MIPOL1: variants seen among roughly 807,000 people sequenced by gnomAD.
The protein encoded by MIPOL1 is mirror-image polydactyly 1, also known as mirror-image polydactyly gene 1 protein.
Under a neutral mutation model 60.9 loss-of-function variants are expected in MIPOL1, and 57 were observed. That is an observed-to-expected ratio of 0.94 (90% CI 0.76 to 1.17). MIPOL1 has a LOEUF of 1.17. MIPOL1 is among the 50% of genes most tolerant of loss of function. The pLI is 0.00. For missense variants in MIPOL1, 551 were observed against 511.6 expected (o/e 1.08, Z -0.74); for synonymous variants, 179 against 168.8 (o/e 1.06, Z -0.47).
At position 37,451,802 on chromosome 14, in the gene MIPOL1, T is replaced by TTC. The variant is rs1237092416; in HGVS notation, c.1031+28859_1031+28860dup. Among the ~76,000 whole-genome samples the TTC allele has an allele frequency of 1.8e-3, 225 of 125,746 alleles. 4 individuals carry two copies. Among genetic ancestry groups the TTC allele is most frequent in the African/African-American group, 6.8e-3 (207 of 30,230 alleles). 82.5% of individuals were successfully genotyped at this position (125,746 alleles called of 152,430 possible). ...GTGAGCCTTAAGGTTCTTTTGTTTA[T>TTC]TCTCTCTTTTTTTTTTTTTTTTTTT... On this transcript the variant is annotated intron_variant, in intron 11 of 12. Transcript: ENST00000684589.
intron 1 of MIPOL1, among the ~76,000 whole-genome samples, chr14:37,246,552 A>G (rs1381157910): frequency 6.6e-6 from 1 of 152,150 alleles, no homozygotes; most frequent in Non-Finnish European, 1.5e-5. Flanking sequence ...ATTTTACTAC[A>G]TCAGTCTTAC....
At chr14:37,244,242 C>G (rs943322426) in intron 1 of MIPOL1, among the ~76,000 whole-genome samples, 1 of 150,610 alleles carries the variant, frequency 6.6e-6, no homozygotes, top group Non-Finnish European at 1.5e-5. Context: ...GCCTCAGCCT[C>G]CCGAGTAGCT....
At chr14:37,290,899 T>A (rs112749145) in intron 7 of MIPOL1, among the ~76,000 whole-genome samples, 1,900 of 152,242 alleles carry the variant, frequency 0.012, 14 homozygotes, top group Middle Eastern at 0.031. Flanking sequence ...GTGTTTGTTG[T>A]TCCACAGTAT....
At chr14:37,317,894 C>T (rs1010070690) in intron 9 of MIPOL1, among the ~76,000 whole-genome samples, 1 of 152,132 alleles carries the variant, frequency 6.6e-6, no homozygotes, top group African/African-American at 2.4e-5. Flanking sequence ...AAAGAGGAAG[C>T]ATATCTAAGG....
At chr14:37,495,941 T>C (rs2095120690) in intron 11 of MIPOL1, among the ~76,000 whole-genome samples, 1 of 147,186 alleles carries the variant, frequency 6.8e-6, no homozygotes, top group East Asian at 2.1e-4. Context: ...GAGAAGTGTC[T>C]GTTCATGTCC....
chr14:37,285,546 G>A, intron 7 of MIPOL1, 99 bp downstream of exon 7: 1 of 1,177,760 alleles, frequency 8.5e-7, no homozygotes, highest in East Asian at 2.6e-5. Flanking sequence ...TTATGCTTAT[G>A]TGTTACACTA....
At chr14:37,474,683 A>G in intron 11 of MIPOL1, among the ~76,000 whole-genome samples, 1 of 152,156 alleles carries the variant, frequency 6.6e-6, no homozygotes, top group Non-Finnish European at 1.5e-5. Context: ...TGGTAAGGCT[A>G]TATTTAGCTT....
chr14:37,370,565 A>G (rs993081707), intron 10 of MIPOL1, among the ~76,000 whole-genome samples: 2 of 152,176 alleles, frequency 1.3e-5, no homozygotes, highest in African/African-American at 4.8e-5. Flanking sequence ...GGAATCATGT[A>G]CCAAAATTGA....
intron 11 of MIPOL1, among the ~76,000 whole-genome samples, chr14:37,467,554 G>A (rs2094615046): frequency 6.6e-6 from 1 of 152,110 alleles, no homozygotes. Context: ...GTAAACGGAA[G>A]TAGAAGTTAC....
intron 9 of MIPOL1, among the ~76,000 whole-genome samples, chr14:37,350,170 C>CT (rs1161061992): frequency 6.6e-6 from 1 of 152,180 alleles, no homozygotes; most frequent in Non-Finnish European, 1.5e-5. Context: ...TTCCTGAACT[C>CT]AAGTAATCCT....
intron 12 of MIPOL1, chr14:37,503,061 C>A (rs1226889997): frequency 6.6e-6 from 1 of 151,860 alleles, no homozygotes; most frequent in Admixed American, 6.6e-5. Flanking sequence ...AGTGAGAAGG[C>A]AAGATTAGAG....
At chr14:37,380,638 T>C (rs1021950666) in intron 10 of MIPOL1, among the ~76,000 whole-genome samples, 1 of 152,186 alleles carries the variant, frequency 6.6e-6, no homozygotes, top group Non-Finnish European at 1.5e-5. Flanking sequence ...GTAATACTTA[T>C]GATACTTGCA....
chr14:37,337,195 G>A (rs2153458863), intron 9 of MIPOL1, among the ~76,000 whole-genome samples: 1 of 150,944 alleles, frequency 6.6e-6, no homozygotes, highest in East Asian at 2.0e-4. Flanking sequence ...TCCTGTTGGG[G>A]ATCTAGGGCT....
intron 11 of MIPOL1, among the ~76,000 whole-genome samples, chr14:37,498,739 G>A (rs2095170576): frequency 6.6e-6 from 1 of 152,122 alleles, no homozygotes. Flanking sequence ...GAATCCTGAA[G>A]TGGTTTCATT....
At chr14:37,304,739 A>T (rs1226090895) in intron 7 of MIPOL1, among the ~76,000 whole-genome samples, 1 of 151,856 alleles carries the variant, frequency 6.6e-6, no homozygotes, top group Non-Finnish European at 1.5e-5. Flanking sequence ...TCACGCATGG[A>T]TCTTTTCACT....
At chr14:37,253,103 A>G (rs913721143) in intron 3 of MIPOL1, among the ~76,000 whole-genome samples, 3 of 151,802 alleles carry the variant, frequency 2.0e-5, no homozygotes, top group Non-Finnish European at 3.0e-5. Context: ...AAGTAATGGT[A>G]TATTTTTCAT....
At chr14:37,412,143 C>T (rs2103893) in intron 10 of MIPOL1, among the ~76,000 whole-genome samples, 148,673 of 152,210 alleles carry the variant, frequency 0.98, 72,702 homozygotes, top group East Asian at 1. Flanking sequence ...GGTATTACCT[C>T]GTATCATCTC....
chr14:37,252,650 T>G (rs1013571251), intron 3 of MIPOL1, among the ~76,000 whole-genome samples: 4 of 151,984 alleles, frequency 2.6e-5, no homozygotes, highest in Non-Finnish European at 5.9e-5. Context: ...ACCTCTTGTA[T>G]TATTGATTCA....
At chr14:37,251,935 T>A (rs912791111) in intron 3 of MIPOL1, among the ~76,000 whole-genome samples, 2 of 151,890 alleles carry the variant, frequency 1.3e-5, no homozygotes, top group Non-Finnish European at 1.5e-5. Flanking sequence ...GTGAAACTTA[T>A]TTAAATTTAG....
Sources: gnomAD v4.1 joint callset for allele counts (sites outside exome capture counted in the v4.1 genomes callset) on GRCh38, gnomAD v4.1.1 for gene constraint, MANE v1.5 for transcripts, NCBI Gene and HGNC (gene_info 2026-07-23, HGNC 2026-07-21) for gene names.